DDR2: variants seen among roughly 807,000 people sequenced by gnomAD.
DDR2 encodes discoidin domain receptor tyrosine kinase 2, also known as discoidin domain-containing receptor 2.
In DDR2, 27 loss-of-function variants were observed where a neutral mutation model predicts 94.9. That is an observed-to-expected ratio of 0.28 (90% CI 0.21 to 0.39). DDR2 has a LOEUF of 0.39. Among genes scored for constraint, DDR2 ranks in the 10% least tolerant of loss-of-function variants. The probability of loss-of-function intolerance (pLI) is 1.00; values close to 1 mark genes in which losing one functional copy is unlikely to be tolerated. For synonymous variants in DDR2, 382 were observed against 377.2 expected, an observed-to-expected ratio of 1.01 and a Z score of -0.15; for missense variants, 783 against 1,076.0, an observed-to-expected ratio of 0.73 and a Z score of 3.81.
intron 2 of DDR2, chr1:162,705,231 T>A (rs2102003323): frequency 6.6e-6 from 1 of 152,354 alleles, no homozygotes; most frequent in South Asian, 2.1e-4. Flanking sequence ...CAGGGCCTCT[T>A]TGTCCCAGTG....
intron 2 of DDR2, among the ~76,000 whole-genome samples, chr1:162,701,426 A>G (rs191406826): frequency 2.0e-5 from 3 of 152,382 alleles, no homozygotes; most frequent in Admixed American, 6.5e-5. Context: ...TACAAGCCAT[A>G]TGGCTCTTGG....
chr1:162,748,271 A>C (rs1662986467), intron 3 of DDR2, among the ~76,000 whole-genome samples: 1 of 152,216 alleles, frequency 6.6e-6, no homozygotes, highest in Non-Finnish European at 1.5e-5. Flanking sequence ...ATGTGCAGAG[A>C]CACACATAGG....
rs374756499 is a variant in DDR2 at position 162,761,390 on chromosome 1, C to T, written c.1035C>T (p.Ala345=). 3 of 1,614,072 alleles carry T rather than the reference C, an allele frequency of 1.9e-6. No homozygotes were observed. In the African/African-American group the frequency reaches 4.0e-5, roughly 22 times the overall value. ...CTCTCCACCACCGAATGGCCAGTGC[C>T]ATCAAGTGTCAATACCATTTTGCAG... is the stretch of plus-strand genomic sequence containing the variant. ...TVPLHHRMAS[A]IKCQYHFADT... Residue 345 remains alanine (A), a synonymous_variant, in exon 9 of 18, where the codon GCC becomes GCT. Transcript: ENST00000367921.
intron 3 of DDR2, among the ~76,000 whole-genome samples, chr1:162,740,375 A>G (rs1662529395): frequency 6.6e-6 from 1 of 152,186 alleles, no homozygotes; most frequent in Admixed American, 6.5e-5. Flanking sequence ...AACTTTAACT[A>G]GTTTTTTCAC....
chr1:162,708,862 C>T (rs1339186702), intron 2 of DDR2, among the ~76,000 whole-genome samples: 1 of 152,140 alleles, frequency 6.6e-6, no homozygotes, highest in Non-Finnish European at 1.5e-5. Flanking sequence ...TTAATGGATA[C>T]AGAAATAAGA....
intron 3 of DDR2, among the ~76,000 whole-genome samples, chr1:162,750,306 A>C (rs1213626498): frequency 1.3e-5 from 2 of 152,224 alleles, no homozygotes; most frequent in African/African-American, 4.8e-5. Context: ...CTCAGGATAC[A>C]AAATCAATGT....
At chr1:162,715,673 G>A (rs771334796) in intron 2 of DDR2, among the ~76,000 whole-genome samples, 1 of 152,180 alleles carries the variant, frequency 6.6e-6, no homozygotes, top group South Asian at 2.1e-4. Flanking sequence ...TATGAGTTTG[G>A]TCACCTATCA....
Position 162,754,673 on chromosome 1 carries a change from G to A in DDR2, c.235G>A (p.Glu79Lys), listed in dbSNP as rs777417346. 1 of 1,614,108 alleles carries A rather than the reference G, an allele frequency of 6.2e-7. No individual in the cohort carries two copies. The highest frequency in any genetic ancestry group is 8.5e-7 in the Non-Finnish European group (1 of 1,180,000). The change falls in exon 5 of 18, where the codon GAA becomes AAA. Residue 79 changes from glutamate (E) to lysine (K), a missense_variant. This residue lies in a region of DDR2 where 519 missense variants were observed against 647.9 expected (regional missense o/e 0.80). Coordinates refer to ENST00000367921, the MANE Select transcript of DDR2 (RefSeq NM_006182.4). ...AGCCTGGTGCCCTGAGATTCCAGTG[G>A]AACCTGATGACCTGAAGGAGTTTCT... ...DGAWCPEIPVEPDDLKEFLQI... is the reference protein window; with the variant it reads ...DGAWCPEIPVKPDDLKEFLQI...
chr1:162,649,733 C>T (rs1657594333), intron 1 of DDR2, among the ~76,000 whole-genome samples: 1 of 152,166 alleles, frequency 6.6e-6, no homozygotes, highest in Non-Finnish European at 1.5e-5. Context: ...GCTGATGTAA[C>T]AAAGATAAAT....
In DDR2 at chr1:162,775,755, A is replaced by G. The variant is rs761219341; in HGVS notation, c.1960A>G (p.Thr654Ala). The change falls in exon 15 of 18, where the codon ACT becomes GCT. Residue 654 changes from threonine to alanine, a missense_variant. Physicochemically the swap from Thr to Ala is moderately conservative, Grantham distance 58. This residue lies in a region of DDR2 where 264 missense variants were observed against 428.2 expected (regional missense o/e 0.62). Coordinates refer to ENST00000367921, the MANE Select transcript of DDR2 (RefSeq NM_006182.4). ...CACTGATGACCCTCTCTGTATGATC[A>G]CTGAATACATGGAGAATGGAGATCT... ...CITDDPLCMI[T>A]EYMENGDLNQ... 6.2e-7 allele frequency: 1 copy of G among 1,614,130 alleles called. No homozygotes were observed. The highest frequency in any genetic ancestry group is 8.5e-7 in the Non-Finnish European group (1 of 1,180,018).
At chr1:162,700,837 A>G (rs1016589688) in intron 2 of DDR2, among the ~76,000 whole-genome samples, 16 of 152,190 alleles carry the variant, frequency 1.1e-4, no homozygotes, top group African/African-American at 3.9e-4. Context: ...TTCATGTCTT[A>G]AAACCGCTTA....
chr1:162,758,063 A>G (rs1663544985), intron 7 of DDR2, among the ~76,000 whole-genome samples: 1 of 152,204 alleles, frequency 6.6e-6, no homozygotes, highest in South Asian at 2.1e-4. Context: ...TTAGTTCAGT[A>G]GGGGATGATG....
chr1:162,715,492 C>T (rs962716548), intron 2 of DDR2, among the ~76,000 whole-genome samples: 2 of 152,070 alleles, frequency 1.3e-5, no homozygotes, highest in African/African-American at 4.8e-5. Context: ...AGAAAAGAAG[C>T]TCCAGTGTGA....
rs1558067181 is a variant in DDR2 at position 162,755,179 on chromosome 1, CT to C, written c.442del (p.Tyr148MetfsTer5). On this transcript the variant is annotated frameshift_variant, in exon 6 of 18. Transcript: ENST00000367921. LOFTEE classifies it high-confidence loss of function. ...KQVLDGNSNP[Y>X]DIFLKDLEPP... ...AGGTGCTGGATGGAAATAGTAACCC[CT>C]ATGACATTTTCCTAAAGGACTTGGA... The C allele has an allele frequency of 6.2e-7, 1 of 1,614,126 alleles. No individual in the cohort carries two copies. The highest frequency in any genetic ancestry group is 8.5e-7 in the Non-Finnish European group (1 of 1,180,006).
chr1:162,733,170 A>G (rs567324499), intron 3 of DDR2, among the ~76,000 whole-genome samples: 10 of 152,330 alleles, frequency 6.6e-5, no homozygotes, highest in African/African-American at 2.4e-4. Context: ...ATGCTTCTTT[A>G]CAGTTCATGA....
chr1:162,663,715 G>A (rs956657087), intron 2 of DDR2, among the ~76,000 whole-genome samples: 1 of 152,112 alleles, frequency 6.6e-6, no homozygotes, highest in East Asian at 1.9e-4. Context: ...AGAGGCTGGT[G>A]ACTCAGCTTT....
chr1:162,732,353 C>A lies in DDR2; in HGVS notation c.82+13208C>A, dbSNP rs560995115. Among the ~76,000 whole-genome samples the A allele has an allele frequency of 3.9e-5, 6 of 152,270 alleles. No homozygotes were observed. In the East Asian group the frequency reaches 1.2e-3, roughly 29 times the overall value. ...TCTGTGAAGCTTGTGGGAAGCAGGGCCTCAGTGACAGTTTCTTTAAGTGGA... is the reference window on the plus strand; with the variant it reads ...TCTGTGAAGCTTGTGGGAAGCAGGGACTCAGTGACAGTTTCTTTAAGTGGA... On this transcript the variant is annotated intron_variant, in intron 3 of 17. Transcript: ENST00000367921.
At chr1:162,762,902 T>C (rs1019492248) in intron 9 of DDR2, among the ~76,000 whole-genome samples, 5 of 152,168 alleles carry the variant, frequency 3.3e-5, no homozygotes, top group African/African-American at 1.2e-4. Context: ...AGTGGTGTGA[T>C]CTTGGCTCAC....
chr1:162,677,498 G>C (rs2101949954), intron 2 of DDR2, among the ~76,000 whole-genome samples: 1 of 152,298 alleles, frequency 6.6e-6, no homozygotes, highest in Non-Finnish European at 1.5e-5. Context: ...CCTTTTCCCA[G>C]TGGATTTTTC....
Sources: allele counts gnomAD v4.1 joint callset (sites outside exome capture counted in the v4.1 genomes callset), GRCh38; gene constraint gnomAD v4.1.1; regional missense constraint gnomAD v4.1.1; transcripts MANE v1.5; gene names NCBI Gene and HGNC (gene_info 2026-07-23, HGNC 2026-07-21).